PSD3: variants seen among roughly 807,000 people sequenced by gnomAD.
PSD3 encodes PH and SEC7 domain-containing protein 3.
In PSD3, 49 loss-of-function variants were observed where a neutral mutation model predicts 105.5. The ratio of observed to expected loss-of-function variants is 0.46; its 90% CI spans 0.37 to 0.59. The LOEUF is 0.59. Among genes scored for constraint, PSD3 ranks in the 20% least tolerant of loss-of-function variants. PSD3 has a pLI of 0.00. For synonymous variants in PSD3, 557 were observed against 457.8 expected (o/e 1.22, Z -2.77); for missense variants, 1,561 against 1,263.8 (o/e 1.24, Z -3.57).
At chr8:18,741,419 A>G (rs1384211900) in intron 9 of PSD3, among the ~76,000 whole-genome samples, 1 of 152,196 alleles carries the variant, frequency 6.6e-6, no homozygotes, top group African/African-American at 2.4e-5. Flanking sequence ...TGTTACCATG[A>G]TGATCTCAAC....
intron 8 of PSD3, among the ~76,000 whole-genome samples, chr8:18,775,468 T>A (rs1019669443): frequency 2.0e-5 from 3 of 152,208 alleles, no homozygotes; most frequent in Admixed American, 6.5e-5. Context: ...AGAGAGTGTA[T>A]GAGTTTCCCT....
intron 9 of PSD3, among the ~76,000 whole-genome samples, chr8:18,683,356 G>T (rs1355711025): frequency 6.6e-6 from 1 of 152,150 alleles, no homozygotes; most frequent in African/African-American, 2.4e-5. Context: ...AAGACCAGGG[G>T]AGGAAAGGAA....
intron 1 of PSD3, among the ~76,000 whole-genome samples, chr8:19,057,180 CCA>C (rs1828736622): frequency 6.6e-6 from 1 of 152,118 alleles, no homozygotes; most frequent in Non-Finnish European, 1.5e-5. Context: ...ATGCATTCTT[CCA>C]CCCGCTGCCT....
chr8:18,844,672 G>C (rs368756912), intron 4 of PSD3, among the ~76,000 whole-genome samples: 13 of 152,140 alleles, frequency 8.5e-5, no homozygotes, highest in East Asian at 5.8e-4. Context: ...ACATTAAATA[G>C]GATGGATTGC....
intron 12 of PSD3, among the ~76,000 whole-genome samples, chr8:18,594,454 T>G (rs1032963861): frequency 1.6e-5 from 2 of 128,278 alleles, no homozygotes; most frequent in Non-Finnish European, 1.6e-5. Flanking sequence ...TATTTATATA[T>G]TATATTATAT....
chr8:18,765,858 C>T (rs934093854), intron 8 of PSD3, among the ~76,000 whole-genome samples: 1 of 151,932 alleles, frequency 6.6e-6, no homozygotes, highest in African/African-American at 2.4e-5. Flanking sequence ...GTCTCAGCTA[C>T]TCGGGAGGCT....
At chr8:19,000,751 G>C (rs1294027085) in intron 1 of PSD3, 1 of 151,888 alleles carries the variant, frequency 6.6e-6, no homozygotes, top group African/African-American at 2.4e-5. Flanking sequence ...TGCTGACTCA[G>C]GAAATTCTAT....
In PSD3 at chr8:18,695,072, C is replaced by G. The variant is rs1801186989; in HGVS notation, c.2173-39387G>C. Among the ~76,000 whole-genome samples, 4 of 152,118 alleles carry G rather than the reference C, an allele frequency of 2.6e-5. No individual in the cohort carries two copies. The South Asian group carries it at 8.3e-4, about 31-fold the overall frequency. On this transcript the variant is annotated intron_variant, in intron 9 of 15. Coordinates refer to ENST00000327040, the MANE Select transcript of PSD3 (RefSeq NM_015310.4). ...CCCAAATTCTCTAGGGGTAAAACTA[C>G]TCCTTCCCCTTCTACTAGGGATCCT... is the stretch of plus-strand genomic sequence containing the variant.
At chr8:18,931,849 G>C (rs1158765926) in intron 2 of PSD3, among the ~76,000 whole-genome samples, 1 of 152,170 alleles carries the variant, frequency 6.6e-6, no homozygotes, top group Non-Finnish European at 1.5e-5. Flanking sequence ...AGGGAGTGGG[G>C]TGATGTGACT....
chr8:19,033,344 A>C lies in PSD3; in HGVS notation c.324+50862T>G, dbSNP rs1314681626. Among the ~76,000 whole-genome samples the C allele has an allele frequency of 2.6e-5, 4 of 152,206 alleles. 1 individual carries two copies. The South Asian group carries it at 8.3e-4, about 32-fold the overall frequency. On this transcript the variant is annotated intron_variant, in intron 1 of 1. Transcript: ENST00000521475. The stretch of plus-strand genomic sequence containing the variant: ...CTCTACTGTTATAGTTCCTCTAGTA[A>C]ATGATTGATTATAGAACAGCTAACA...
intron 9 of PSD3, among the ~76,000 whole-genome samples, chr8:18,714,381 G>C (rs1157740697): frequency 6.7e-6 from 1 of 149,060 alleles, no homozygotes; most frequent in Non-Finnish European, 1.5e-5. Context: ...ACATCCGTTT[G>C]ACAAAGGTCT....
At chr8:18,702,039 CA>C (rs1232291234) in intron 9 of PSD3, among the ~76,000 whole-genome samples, 1 of 152,140 alleles carries the variant, frequency 6.6e-6, no homozygotes, top group Non-Finnish European at 1.5e-5. Flanking sequence ...TTCGTTTCAG[CA>C]TTTTACTTCC....
chr8:19,044,403 A>G (rs1422245683), intron 1 of PSD3, among the ~76,000 whole-genome samples: 1 of 152,166 alleles, frequency 6.6e-6, no homozygotes, highest in Non-Finnish European at 1.5e-5. Context: ...ATAGGATTCA[A>G]TTCTAGGCTC....
At chr8:18,570,808 G>T (rs944843933) in intron 14 of PSD3, among the ~76,000 whole-genome samples, 3 of 150,984 alleles carry the variant, frequency 2.0e-5, no homozygotes, top group African/African-American at 7.3e-5. Flanking sequence ...AATTTTTAAA[G>T]CAAAAATGTG....
At chr8:18,723,168 G>T (rs1437903989) in intron 9 of PSD3, among the ~76,000 whole-genome samples, 3 of 152,168 alleles carry the variant, frequency 2.0e-5, no homozygotes, top group Non-Finnish European at 4.4e-5. Context: ...TCCTCCGTGG[G>T]CAGTGCATGA....
At chr8:18,726,930 G>A (rs1473478) in intron 9 of PSD3, among the ~76,000 whole-genome samples, 104,977 of 152,070 alleles carry the variant, frequency 0.69, 40,151 homozygotes, top group Non-Finnish European at 0.88. Flanking sequence ...GCTCATGCCT[G>A]TAATCCCAGC....
rs571639065 is a variant in PSD3 at position 18,887,462 on chromosome 8, C to T, written c.131-14729G>A. Among the ~76,000 whole-genome samples the T allele has an allele frequency of 3.9e-5, 6 of 152,256 alleles. No homozygotes were observed. The East Asian group carries it at 9.7e-4, about 25-fold the overall frequency. On this transcript the variant is annotated intron_variant, in intron 2 of 15. Coordinates refer to ENST00000327040, the MANE Select transcript of PSD3 (RefSeq NM_015310.4). ...AAGCCATAAACTTTTATATCACTTA[C>T]AGTACCTTGTATGTATACAATGTCT... is the stretch of plus-strand genomic sequence containing the variant.
At chr8:18,846,253 G>C (rs1243460241) in intron 4 of PSD3, among the ~76,000 whole-genome samples, 1 of 152,130 alleles carries the variant, frequency 6.6e-6, no homozygotes, top group Non-Finnish European at 1.5e-5. Flanking sequence ...TATTTCTCTA[G>C]AGAAACAGTG....
intron 4 of PSD3, among the ~76,000 whole-genome samples, chr8:18,866,670 T>C (rs1816957491): frequency 6.6e-6 from 1 of 152,160 alleles, no homozygotes; most frequent in Admixed American, 6.5e-5. Context: ...ATCCTGAATT[T>C]GCTCATCTAA....
Sources: gnomAD v4.1 joint callset for allele counts (sites outside exome capture counted in the v4.1 genomes callset) on GRCh38, gnomAD v4.1.1 for gene constraint, MANE v1.5 for transcripts, NCBI Gene and HGNC (gene_info 2026-07-23, HGNC 2026-07-21) for gene names.